The following ARHGAP17 variants were observed in gnomAD, a reference collection of about 807,000 sequenced individuals.
The protein encoded by ARHGAP17 is rho GTPase-activating protein 17.
In ARHGAP17, 57 loss-of-function variants were observed where a neutral mutation model predicts 99.5. The ratio of observed to expected loss-of-function variants is 0.57; its 90% confidence interval spans 0.46 to 0.71. The LOEUF is 0.71. Among genes scored for constraint, ARHGAP17 ranks in the 30% least tolerant of loss-of-function variants. ARHGAP17 has a pLI of 0.00. For missense variants in ARHGAP17, 1,000 were observed against 1,122.4 expected, an observed-to-expected ratio of 0.89 and a Z score of 1.56; for synonymous variants, 417 against 429.6, an observed-to-expected ratio of 0.97 and a Z score of 0.36.
chr16:25,010,003 C>T (rs1225056821), intron 1 of ARHGAP17, among the ~76,000 whole-genome samples: 4 of 152,106 alleles, frequency 2.6e-5, no homozygotes, highest in Admixed American at 2.0e-4. Flanking sequence ...CAGGAAGAGG[C>T]CCTGGACCCA....
chr16:24,953,440 G>C (rs2051705053), intron 10 of ARHGAP17, among the ~76,000 whole-genome samples: 2 of 152,172 alleles, frequency 1.3e-5, no homozygotes, highest in African/African-American at 4.8e-5. Flanking sequence ...GAGGTGACTG[G>C]ATCATGGGGG....
intron 3 of ARHGAP17, among the ~76,000 whole-genome samples, chr16:24,974,577 A>C (rs961780886): frequency 6.6e-6 from 1 of 151,906 alleles, no homozygotes; most frequent in Non-Finnish European, 1.5e-5. Flanking sequence ...GTTAAGAACC[A>C]CTGAGCCAAG....
intron 19 of ARHGAP17, among the ~76,000 whole-genome samples, chr16:24,921,439 T>TCC (rs1254877689): frequency 6.6e-6 from 1 of 152,144 alleles, no homozygotes; most frequent in Non-Finnish European, 1.5e-5. Flanking sequence ...AGAGCTGCTT[T>TCC]CCCCTACTTG....
At chr16:24,926,117 A>G (rs1228239099) in intron 19 of ARHGAP17, among the ~76,000 whole-genome samples, 7 of 145,732 alleles carry the variant, frequency 4.8e-5, no homozygotes, top group African/African-American at 1.7e-4. Flanking sequence ...CTGAAAAAAA[A>G]AAAAGAAAAG....
chr16:24,921,022 A>G (rs1051939728), intron 19 of ARHGAP17: 1 of 152,260 alleles, frequency 6.6e-6, no homozygotes. Context: ...GATGGCAAAC[A>G]TATGGTCCTC....
intron 14 of ARHGAP17, 92 bp downstream of exon 14, chr16:24,947,389 CT>C: frequency 8.7e-7 from 1 of 1,150,042 alleles, no homozygotes; most frequent in Admixed American, 2.0e-5. Context: ...TTGAATTGAT[CT>C]TAAACTAGAA....
intron 1 of ARHGAP17, among the ~76,000 whole-genome samples, chr16:24,988,174 T>C (rs2052929987): frequency 6.6e-6 from 1 of 152,226 alleles, no homozygotes; most frequent in African/African-American, 2.4e-5. Flanking sequence ...CTCATTAGAT[T>C]AGCTGTCGTC....
At chr16:25,010,070 C>T (rs1212943556) in intron 1 of ARHGAP17, among the ~76,000 whole-genome samples, 7 of 151,158 alleles carry the variant, frequency 4.6e-5, no homozygotes, top group African/African-American at 7.3e-5. Context: ...CAGGTTTCTT[C>T]CTCTTTTTTT....
intron 3 of ARHGAP17, among the ~76,000 whole-genome samples, chr16:24,975,111 C>G (rs1388608151): frequency 6.6e-6 from 1 of 152,180 alleles, no homozygotes; most frequent in Non-Finnish European, 1.5e-5. Flanking sequence ...CGGGATCGTG[C>G]CACTACACTC....
At chr16:25,005,061 C>T (rs2075972232) in intron 1 of ARHGAP17, among the ~76,000 whole-genome samples, 1 of 152,270 alleles carries the variant, frequency 6.6e-6, no homozygotes, top group East Asian at 1.9e-4. Flanking sequence ...ATTACAGGCG[C>T]CTGCCTGCCA....
intron 1 of ARHGAP17, among the ~76,000 whole-genome samples, chr16:24,991,926 GA>G (rs1200012118): frequency 6.6e-6 from 1 of 152,022 alleles, no homozygotes; most frequent in Non-Finnish European, 1.5e-5. Flanking sequence ...GAGCTCATGA[GA>G]AAAAAAGGTC....
intron 1 of ARHGAP17, among the ~76,000 whole-genome samples, chr16:24,993,850 C>T (rs1341967153): frequency 5.9e-5 from 9 of 152,180 alleles, no homozygotes; most frequent in Admixed American, 5.9e-4. Flanking sequence ...CTTTCTGCCC[C>T]TTACTTTATT....
chr16:24,927,962 C>A (rs1167987844), intron 19 of ARHGAP17, among the ~76,000 whole-genome samples: 1 of 152,148 alleles, frequency 6.6e-6, no homozygotes, highest in Non-Finnish European at 1.5e-5. Flanking sequence ...TAATCTCCCC[C>A]CAAGAGTTTA....
intron 18 of ARHGAP17, among the ~76,000 whole-genome samples, chr16:24,934,920 G>A (rs1406470974): frequency 6.6e-6 from 1 of 152,174 alleles, no homozygotes; most frequent in Non-Finnish European, 1.5e-5. Context: ...TGGGCTCAGA[G>A]GTAGGCCCCA....
intron 1 of ARHGAP17, among the ~76,000 whole-genome samples, chr16:24,996,661 T>C (rs2053201491): frequency 6.6e-6 from 1 of 152,218 alleles, no homozygotes; most frequent in Non-Finnish European, 1.5e-5. Flanking sequence ...AAAGCCCCGT[T>C]CACCACCTAA....
At chr16:25,002,763 G>T (rs1484822222) in intron 1 of ARHGAP17, among the ~76,000 whole-genome samples, 1 of 152,182 alleles carries the variant, frequency 6.6e-6, no homozygotes, top group Non-Finnish European at 1.5e-5. Flanking sequence ...TTCTGGCTGG[G>T]CGCGATGGCT....
intron 1 of ARHGAP17, among the ~76,000 whole-genome samples, chr16:25,002,667 T>C (rs1028183546): frequency 1.3e-5 from 2 of 152,222 alleles, no homozygotes; most frequent in Non-Finnish European, 2.9e-5. Context: ...GCCTGTATTT[T>C]AGTCCTGCTA....
chr16:24,942,169 C>T, intron 15 of ARHGAP17, 26 bp from the exon 16 acceptor site: 3 of 1,589,226 alleles, frequency 1.9e-6, no homozygotes, highest in African/African-American at 1.3e-5. Flanking sequence ...TAAACAAGTG[C>T]ATGAGACACT....
Position 24,956,651 on chromosome 16 carries a change from C to A in ARHGAP17, c.725-1921G>T, listed in dbSNP as rs2051818472. On this transcript the variant is annotated intron_variant, in intron 9 of 19. Coordinates refer to ENST00000289968, the MANE Select transcript of ARHGAP17 (RefSeq NM_001006634.3). ...TGCACGATCTGCCGACAGGCGATAA[C>A]CACTCCTCTGCACCAAACCAACACT... 2.0e-5 allele frequency: 3 copies of A among 152,344 alleles called. No homozygotes were observed. In the South Asian group the frequency reaches 6.2e-4, roughly 32 times the overall value. The allele number at this position is 152,344 out of a possible 1,614,324, so 9.4% of individuals were successfully genotyped here.
Sources: gnomAD v4.1 joint callset for allele counts (sites outside exome capture counted in the v4.1 genomes callset) on GRCh38, gnomAD v4.1.1 for gene constraint, MANE v1.5 for transcripts, NCBI Gene and HGNC (gene_info 2026-07-23, HGNC 2026-07-21) for gene names.